TCF7: variants seen among roughly 807,000 people sequenced by gnomAD.
TCF7 encodes transcription factor 7.
Under a neutral mutation model 46.8 loss-of-function variants are expected in TCF7, and 19 were observed. The observed-to-expected ratio is 0.41, with a 90% CI of 0.28 to 0.60. TCF7 has a LOEUF of 0.60. Among genes scored for constraint, TCF7 ranks in the 20% least tolerant of loss-of-function variants. The pLI is 0.35. For missense variants in TCF7, 547 were observed against 504.6 expected (o/e 1.08, Z -0.81); for synonymous variants, 245 against 213.4 (o/e 1.15, Z -1.29).
At chr5:134,141,890 G>T (rs1759834942) in intron 5 of TCF7, 3 of 267,500 alleles carry the variant, frequency 1.1e-5, no homozygotes, top group Non-Finnish European at 1.4e-5. Flanking sequence ...ACAGGCTCCT[G>T]AGGCTGGGTT....
At chr5:134,145,278 C>G (rs774187193) in intron 9 of TCF7, 1 of 541,064 alleles carries the variant, frequency 1.8e-6, no homozygotes, top group African/African-American at 1.9e-5. Context: ...CCTGCCTGTA[C>G]CATCCTGAGC....
chr5:134,117,838 CCA>C (rs1240355702), intron 3 of TCF7, among the ~76,000 whole-genome samples: 3 of 152,190 alleles, frequency 2.0e-5, no homozygotes, highest in Non-Finnish European at 4.4e-5. Flanking sequence ...CCCCGCGCAG[CCA>C]CAGTCTCCAC....
intron 3 of TCF7, among the ~76,000 whole-genome samples, chr5:134,136,156 T>A (rs189299624): frequency 3.1e-4 from 47 of 152,094 alleles, no homozygotes. Context: ...CAGGAGGTGG[T>A]AGCTGGGGGA....
chr5:134,141,986 T>C, intron 5 of TCF7, 199 bp from the exon 6 acceptor site: 1 of 582,242 alleles, frequency 1.7e-6, no homozygotes, highest in Middle Eastern at 3.4e-4. Context: ...TCTATGTAGA[T>C]TTTTGCAGTG....
At chr5:134,141,302 CA>C (rs1759721820) in intron 5 of TCF7, 1 of 153,942 alleles carries the variant, frequency 6.5e-6, no homozygotes, top group Admixed American at 6.5e-5. Context: ...AATACCTGTG[CA>C]AGCAGTAAGG....
At chr5:134,111,132 CTCAGAGAGGG>C (rs1299621503), upstream of TCF7, among the ~76,000 whole-genome samples, 1 of 152,162 alleles carries the variant, frequency 6.6e-6, no homozygotes, top group Non-Finnish European at 1.5e-5. Context: ...GAGACTGAGG[CTCAGAGAGGG>C]TCAGCAATCT....
rs1755765265 is a variant in TCF7 at position 134,115,951 on chromosome 5, C to T, written c.359C>T (p.Thr120Ile). 2 of 1,614,018 alleles carry T rather than the reference C, an allele frequency of 1.2e-6. No homozygotes were observed. The highest frequency in any genetic ancestry group is 1.7e-6 in the Non-Finnish European group (2 of 1,180,018). The change falls in exon 3 of 10, where the codon ACC becomes ATC. Residue 120 changes from threonine to isoleucine, a missense_variant. Coordinates refer to ENST00000342854, the MANE Select transcript of TCF7 (RefSeq NM_003202.5). Reference protein sequence around the residue: ...PECTSGMYKETVYSAFNLLMH... With the variant: ...PECTSGMYKEIVYSAFNLLMH... ...TGCACCAGCGGCATGTACAAAGAGA[C>T]CGTCTACTCCGCCTTCAATCTGCTC...
chr5:134,132,624 C>T (rs1758297727), intron 3 of TCF7, among the ~76,000 whole-genome samples: 1 of 152,200 alleles, frequency 6.6e-6, no homozygotes, highest in African/African-American at 2.4e-5. Flanking sequence ...GGGAGTTTCT[C>T]TGCTGGCGGT....
chr5:134,125,454 A>G (rs1046455563), intron 3 of TCF7, among the ~76,000 whole-genome samples: 81 of 152,162 alleles, frequency 5.3e-4, no homozygotes, highest in African/African-American at 1.8e-3. Flanking sequence ...TCACCCTCCC[A>G]GTGTGGGCAG....
chr5:134,145,319 C>T (rs758941201), intron 9 of TCF7: 1 of 539,748 alleles, frequency 1.9e-6, no homozygotes. Flanking sequence ...GTGACAACAA[C>T]ACAGAACCAT....
chr5:134,109,768 C>A (rs1755306749), upstream of TCF7, among the ~76,000 whole-genome samples: 1 of 25,190 alleles, frequency 4.0e-5, no homozygotes. Flanking sequence ...AAGGCTCCAT[C>A]TCAAAAAAAA....
chr5:134,137,544 C>T (rs1267748582), intron 3 of TCF7, among the ~76,000 whole-genome samples: 1 of 152,100 alleles, frequency 6.6e-6, no homozygotes, highest in Non-Finnish European at 1.5e-5. Context: ...GGCCCCATCT[C>T]CCCTGATTTA....
chr5:134,114,974 T>A lies in TCF7; in HGVS notation c.68T>A (p.Leu23Gln). ...GGDDLGAPDE[L>Q]LAFQDEGEEQ... is the part of the protein sequence containing the mutation. ...GACGACCTCGGCGCGCCGGACGAGCTGCTGGCCTTCCAGGATGAAGGCGAG... is the reference window on the plus strand; with the variant it reads ...GACGACCTCGGCGCGCCGGACGAGCAGCTGGCCTTCCAGGATGAAGGCGAG... The change falls in exon 1 of 10, where the codon CTG becomes CAG. Residue 23 changes from leucine to glutamine, a missense_variant. Physicochemically the swap from Leu to Gln is moderately radical, Grantham distance 113. Coordinates refer to ENST00000342854, the MANE Select transcript of TCF7 (RefSeq NM_003202.5). The A allele has an allele frequency of 8.3e-7, 1 of 1,200,022 alleles. No individual in the cohort carries two copies. 74.3% of individuals were successfully genotyped at this position (1,200,022 alleles called of 1,614,324 possible).
At chr5:134,139,820 A>G (rs1226466008) in intron 5 of TCF7, 1 of 152,332 alleles carries the variant, frequency 6.6e-6, no homozygotes, top group Non-Finnish European at 1.5e-5. Flanking sequence ...CCTGTGGCCC[A>G]CTTGCCCTTT....
rs1013689158 is a variant in TCF7 at position 134,145,133 on chromosome 5, T to C, written c.1076-1091T>C. 5 of 642,718 alleles carry C rather than the reference T, an allele frequency of 7.8e-6. No homozygotes were observed. The African/African-American group carries it at 9.0e-5, about 12-fold the overall frequency. The allele number at this position is 642,718 out of a possible 1,614,324, so 39.8% of individuals were successfully genotyped here. ...AAGGACAGACTCAAGAAGGCAGCTC[T>C]GATGCCAGTGGGCCTAGCAGGTCCT... On this transcript the variant is annotated intron_variant, in intron 9 of 9. Coordinates refer to ENST00000342854, the MANE Select transcript of TCF7 (RefSeq NM_003202.5).
Position 134,142,275 on chromosome 5 carries a change from G to T in TCF7, c.726G>T (p.Lys242Asn). Reference sequence around the variant, plus strand: ...CGGCCATTGTGCCCCCCTCAGGGAAGCAGGAGCTGCAGCCCTTCGACCGCA... The same window carrying T: ...CGGCCATTGTGCCCCCCTCAGGGAATCAGGAGCTGCAGCCCTTCGACCGCA... Reference protein sequence around the residue: ...PHPAIVPPSGKQELQPFDRNL... With the variant: ...PHPAIVPPSGNQELQPFDRNL... The change falls in exon 6 of 10, where the codon AAG becomes AAT. Residue 242 changes from lysine to asparagine, a missense_variant. By Grantham distance (94) the Lys-to-Asn change is moderately conservative. Coordinates refer to ENST00000342854, the MANE Select transcript of TCF7 (RefSeq NM_003202.5). 1.3e-6 allele frequency: 2 copies of T among 1,598,844 alleles called. No homozygotes were observed. The highest frequency in any genetic ancestry group is 1.7e-6 in the Non-Finnish European group (2 of 1,170,224).
chr5:134,146,025 T>A, intron 9 of TCF7, 199 bp from the exon 10 acceptor site: 1 of 1,512,288 alleles, frequency 6.6e-7, no homozygotes, highest in Non-Finnish European at 8.8e-7. Flanking sequence ...ACCTTGTGGC[T>A]GTTCTGGGAA....
At chr5:134,137,504 G>C (rs959541701) in intron 3 of TCF7, among the ~76,000 whole-genome samples, 2 of 152,122 alleles carry the variant, frequency 1.3e-5, no homozygotes, top group Non-Finnish European at 2.9e-5. Flanking sequence ...AAGTACGGGG[G>C]CTGGGCAAGG....
chr5:134,124,670 C>T (rs1311326681), intron 3 of TCF7, among the ~76,000 whole-genome samples: 1 of 152,216 alleles, frequency 6.6e-6, no homozygotes, highest in Non-Finnish European at 1.5e-5. Context: ...CCTAACCCCC[C>T]CGCCCTGCCC....
Sources: allele counts gnomAD v4.1 joint callset (sites outside exome capture counted in the v4.1 genomes callset), GRCh38; gene constraint gnomAD v4.1.1; transcripts MANE v1.5; gene names NCBI Gene and HGNC (gene_info 2026-07-23, HGNC 2026-07-21).